WWOX: variants seen among roughly 807,000 people sequenced by gnomAD.
WWOX encodes the protein WW domain containing oxidoreductase.
WWOX carries 69 observed loss-of-function variants against 46.2 expected under a neutral mutation model. The ratio of observed to expected loss-of-function variants is 1.49; its 90% CI spans 1.23 to 1.82. The LOEUF (loss-of-function observed/expected upper bound fraction) is 1.82, where lower values mean the gene tolerates loss of function less well. WWOX is among the 40% of genes most tolerant of loss of function. The probability of loss-of-function intolerance (pLI) is 0.00; values close to 1 mark genes in which losing one functional copy is unlikely to be tolerated. For synonymous variants in WWOX, 359 were observed against 202.6 expected, an observed-to-expected ratio of 1.77 and a Z score of -6.56; for missense variants, 919 against 542.6, an observed-to-expected ratio of 1.69 and a Z score of -6.89.
rs894844514 is a variant in WWOX at position 78,522,268 on chromosome 16, TA to T, written c.1056+89527del. 1.3e-3 allele frequency among the ~76,000 whole-genome samples: 191 copies of T among 147,344 alleles called. 1 individual carries two copies. Among genetic ancestry groups the T allele is most frequent in the Admixed American group, 1.9e-3 (28 of 14,732 alleles). ...GGAGTTGAAAAATAAGGGTTAGGAT[TA>T]AAAAAAAAAACTAGTGAAATCAAGA... On this transcript the variant is annotated intron_variant, in intron 8 of 8. Transcript: ENST00000566780.
intron 4 of WWOX, among the ~76,000 whole-genome samples, chr16:78,128,772 T>C (rs1376827583): frequency 6.6e-6 from 1 of 152,202 alleles, no homozygotes; most frequent in Non-Finnish European, 1.5e-5. Context: ...TTTTTGTATC[T>C]TGCAATATAA....
chr16:79,190,425 G>A (rs998708362), intron 8 of WWOX, among the ~76,000 whole-genome samples: 2 of 152,110 alleles, frequency 1.3e-5, no homozygotes. Context: ...AAGACCACTG[G>A]ACTTTGGAAT....
chr16:78,964,660 G>A lies in WWOX; in HGVS notation c.1057-246948G>A, dbSNP rs894445467. On this transcript the variant is annotated intron_variant, in intron 8 of 8. Coordinates refer to ENST00000566780, the MANE Select transcript of WWOX (RefSeq NM_016373.4). ...ATTCAAGCTGGCTGCAGAAATTTGT[G>A]TAAGTGGCAAGGAACCTAATGTTAA... Among the ~76,000 whole-genome samples the A allele has an allele frequency of 6.6e-5, 10 of 152,316 alleles. No individual in the cohort carries two copies. In the South Asian group the frequency reaches 1.9e-3, roughly 28 times the overall value.
intron 8 of WWOX, among the ~76,000 whole-genome samples, chr16:78,659,314 C>A (rs563523414): frequency 6.6e-6 from 1 of 152,152 alleles, no homozygotes; most frequent in South Asian, 2.1e-4. Context: ...GTTGCACAGC[C>A]TGAGCTCCTA....
At position 78,666,276 on chromosome 16, in the gene WWOX, A is replaced by G. The variant is rs559845455; in HGVS notation, c.1056+233524A>G. Among the ~76,000 whole-genome samples, 28 of 152,156 alleles carry G rather than the reference A, an allele frequency of 1.8e-4. 1 individual carries two copies. Among genetic ancestry groups the G allele is most frequent in the Middle Eastern group, 3.4e-3 (1 of 294 alleles). On this transcript the variant is annotated intron_variant, in intron 8 of 8. Coordinates refer to ENST00000566780, the MANE Select transcript of WWOX (RefSeq NM_016373.4). ...TGCACTCTAGCCTGGGTGACAGAGC[A>G]AGACACTGTCTCTTTAAAAATAAAT...
At chr16:79,207,610 C>CTAT (rs2051561113) in intron 8 of WWOX, among the ~76,000 whole-genome samples, 1 of 152,194 alleles carries the variant, frequency 6.6e-6, no homozygotes, top group Non-Finnish European at 1.5e-5. Flanking sequence ...GATATTGTGT[C>CTAT]TATTTTTTAT....
intron 8 of WWOX, among the ~76,000 whole-genome samples, chr16:78,972,049 C>T (rs543027792): frequency 6.6e-6 from 1 of 152,116 alleles, no homozygotes; most frequent in Admixed American, 6.6e-5. Flanking sequence ...CTTTAGAAGA[C>T]CCTGATCTGC....
At chr16:78,674,327 C>G (rs1201464826) in intron 8 of WWOX, among the ~76,000 whole-genome samples, 1 of 151,500 alleles carries the variant, frequency 6.6e-6, no homozygotes, top group Admixed American at 6.6e-5. Context: ...CTCTTTTCCC[C>G]AGGCTGGAGT....
intron 8 of WWOX, among the ~76,000 whole-genome samples, chr16:78,802,943 C>CAA (rs1044478788): frequency 2.4e-5 from 1 of 40,842 alleles, no homozygotes; most frequent in Non-Finnish European, 4.5e-5. Context: ...AAAAAAAAAA[C>CAA]AACAAACAGA....
At chr16:78,587,749 T>C (rs879410792) in intron 8 of WWOX, among the ~76,000 whole-genome samples, 23 of 152,078 alleles carry the variant, frequency 1.5e-4, no homozygotes, top group African/African-American at 5.6e-4. Context: ...GATATAGACA[T>C]TTGTTGGCCA....
chr16:79,143,574 G>T lies in WWOX; in HGVS notation c.1057-68034G>T, dbSNP rs553095433. ...ACCAATGATTTACTCAGATCCGTTA[G>T]AAAAAATAGTTTTAGGGATGATAAA... On this transcript the variant is annotated intron_variant, in intron 8 of 8. Coordinates refer to ENST00000566780, the MANE Select transcript of WWOX (RefSeq NM_016373.4). Among the ~76,000 whole-genome samples the T allele has an allele frequency of 3.9e-5, 6 of 152,140 alleles. No homozygotes were observed. In the East Asian group the frequency reaches 1.2e-3, roughly 29 times the overall value.
At chr16:78,674,857 G>C (rs560931013) in intron 8 of WWOX, among the ~76,000 whole-genome samples, 29 of 150,052 alleles carry the variant, frequency 1.9e-4, no homozygotes, top group Admixed American at 4.0e-4. Flanking sequence ...AGAAAGAGCA[G>C]ATCTGGATAA....
intron 8 of WWOX, among the ~76,000 whole-genome samples, chr16:78,790,344 A>C (rs1294788938): frequency 6.6e-6 from 1 of 151,958 alleles, no homozygotes; most frequent in Non-Finnish European, 1.5e-5. Flanking sequence ...CATGTTGGCC[A>C]GGCTGCTCTC....
chr16:78,600,885 G>A (rs1264823920), intron 8 of WWOX, among the ~76,000 whole-genome samples: 1 of 152,176 alleles, frequency 6.6e-6, no homozygotes, highest in Non-Finnish European at 1.5e-5. Flanking sequence ...GTGACAGGGA[G>A]AAGCCTGTGT....
chr16:79,054,017 A>G (rs2048217418), intron 8 of WWOX, among the ~76,000 whole-genome samples: 1 of 152,056 alleles, frequency 6.6e-6, no homozygotes, highest in African/African-American at 2.4e-5. Context: ...AGAGCAGGAC[A>G]TGAACAGTGC....
intron 5 of WWOX, among the ~76,000 whole-genome samples, chr16:78,380,694 T>G (rs2151929144): frequency 6.6e-6 from 1 of 152,280 alleles, no homozygotes; most frequent in South Asian, 2.1e-4. Flanking sequence ...TCCAACTGCT[T>G]TAGATACATT....
intron 8 of WWOX, among the ~76,000 whole-genome samples, chr16:79,078,841 T>C (rs1438141985): frequency 6.6e-6 from 1 of 152,198 alleles, no homozygotes; most frequent in Non-Finnish European, 1.5e-5. Flanking sequence ...TAAAGTGACA[T>C]GGTCCATTTA....
intron 8 of WWOX, among the ~76,000 whole-genome samples, chr16:78,769,634 C>G (rs1219513448): frequency 1.3e-5 from 2 of 150,056 alleles, no homozygotes; most frequent in African/African-American, 4.9e-5. Flanking sequence ...GAGACAGAAA[C>G]TATATCATAA....
chr16:78,351,949 G>A lies in WWOX; in HGVS notation c.517-34911G>A, dbSNP rs564671136. Reference sequence around the variant, plus strand: ...TGGGATTATAGGCATGAGCCACCACGCCCAGCAGTATGTTTGTTTTTCTTC... The same window carrying A: ...TGGGATTATAGGCATGAGCCACCACACCCAGCAGTATGTTTGTTTTTCTTC... On this transcript the variant is annotated intron_variant, in intron 5 of 8. Coordinates refer to ENST00000566780, the MANE Select transcript of WWOX (RefSeq NM_016373.4). Among the ~76,000 whole-genome samples, 34 of 152,266 alleles carry A rather than the reference G, an allele frequency of 2.2e-4. 1 individual carries two copies. In the South Asian group the frequency reaches 6.8e-3, roughly 31 times the overall value.
Sources: gnomAD v4.1 joint callset for allele counts (sites outside exome capture counted in the v4.1 genomes callset) on GRCh38, gnomAD v4.1.1 for gene constraint, MANE v1.5 for transcripts, NCBI Gene and HGNC (gene_info 2026-07-23, HGNC 2026-07-21) for gene names.